Variants in RGS1 observed in about 807,000 individuals in gnomAD.
The protein encoded by RGS1 is B-cell activation protein BL34.
A neutral mutation model predicts 22.2 loss-of-function variants in RGS1; 11 were observed. The ratio of observed to expected loss-of-function variants is 0.50; its 90% confidence interval spans 0.31 to 0.82. RGS1 has a LOEUF of 0.82. Ranked by LOEUF, RGS1 falls within the 40% of genes least tolerant of loss-of-function variation. The pLI is 0.04. For synonymous variants in RGS1, 81 were observed against 79.9 expected (o/e 1.01, Z -0.07); for missense variants, 255 against 245.8 (o/e 1.04, Z -0.25).
At position 192,579,453 on chromosome 1, in the gene RGS1, A is replaced by G. The variant is rs1290522370; in HGVS notation, c.*131A>G. The G allele has an allele frequency of 1.3e-6, 1 of 755,078 alleles. No individual in the cohort carries two copies. Among genetic ancestry groups the G allele is most frequent in the Non-Finnish European group, 2.1e-6 (1 of 466,106 alleles). 46.8% of individuals were successfully genotyped at this position (755,078 alleles called of 1,614,324 possible). A position where few individuals can be genotyped will look rare whatever the true frequency, so the allele number is the denominator to read the frequency against. The stretch of plus-strand genomic sequence containing the variant: ...GGCCAAGAAGAACAAATGACTCAGA[A>G]TGGATTAACATGAAAGTTATCCAGG... On this transcript the variant is annotated 3_prime_UTR_variant, in exon 5 of 5. Transcript: ENST00000367459.
intron 1 of RGS1, 143 bp downstream of exon 1, chr1:192,576,072 T>C (rs1662053891): frequency 7.9e-6 from 8 of 1,008,016 alleles, no homozygotes; most frequent in Non-Finnish European, 1.2e-5. Context: ...TAATAAGTAA[T>C]ATTCAGCTGC....
intron 3 of RGS1, chr1:192,577,813 A>G (rs1201417699): frequency 1.1e-5 from 2 of 177,620 alleles, no homozygotes. Flanking sequence ...GGGAAATTAT[A>G]TTTACTAATT....
chr1:192,576,946 A>T (rs1662072293), intron 3 of RGS1, 111 bp downstream of exon 3: 1 of 911,764 alleles, frequency 1.1e-6, no homozygotes, highest in Non-Finnish European at 1.7e-6. Flanking sequence ...GTTGTATTCT[A>T]GTTTGTCTGT....
Position 192,579,455 on chromosome 1 carries a change from G to A in RGS1, c.*133G>A. The A allele has an allele frequency of 1.3e-6, 1 of 749,778 alleles. No homozygotes were observed. The highest frequency in any genetic ancestry group is 2.2e-6 in the Non-Finnish European group (1 of 463,532). The allele number at this position is 749,778 out of a possible 1,614,324, so 46.4% of individuals were successfully genotyped here. A position where few individuals can be genotyped will look rare whatever the true frequency, so the allele number is the denominator to read the frequency against. On this transcript the variant is annotated 3_prime_UTR_variant, in exon 5 of 5. Coordinates refer to ENST00000367459, the MANE Select transcript of RGS1 (RefSeq NM_002922.4). ...CCAAGAAGAACAAATGACTCAGAATGGATTAACATGAAAGTTATCCAGGCG... is the reference window on the plus strand; with the variant it reads ...CCAAGAAGAACAAATGACTCAGAATAGATTAACATGAAAGTTATCCAGGCG...
In RGS1 at chr1:192,578,286, G is replaced by T. The variant is rs1353458695; in HGVS notation, c.345G>T (p.Trp115Cys). 2.5e-6 allele frequency: 4 copies of T among 1,613,054 alleles called. No homozygotes were observed. Among genetic ancestry groups the T allele is most frequent in the Admixed American group, 3.3e-5 (2 of 59,926 alleles). Reference protein sequence around the residue: ...SEFSEENIEFWLACEDYKKTE... With the variant: ...SEFSEENIEFCLACEDYKKTE... ...TCAGTGAGGAGAATATTGAGTTCTG[G>T]CTGGCTTGTGAAGACTATAAGAAAA... is the stretch of plus-strand genomic sequence containing the variant. The change falls in exon 4 of 5, where the codon TGG (tryptophan) becomes TGT (cysteine). Residue 115 changes from tryptophan to cysteine, a missense_variant. Physicochemically the swap from Trp to Cys is radical, Grantham distance 215. Coordinates refer to ENST00000367459, the MANE Select transcript of RGS1 (RefSeq NM_002922.4).
At position 192,578,204 on chromosome 1, in the gene RGS1, C is replaced by T. The variant is rs767893411; in HGVS notation, c.281-18C>T. The stretch of plus-strand genomic sequence containing the variant: ...TTTAATTTAATTATCTCCCCACCCA[C>T]CCCTCGTTTCTTTTTAGCTGGTCAA... On this transcript the variant is annotated intron_variant, in intron 3 of 4. Transcript: ENST00000367459. 1 of 1,593,688 alleles carries T rather than the reference C, an allele frequency of 6.3e-7. No individual in the cohort carries two copies. The highest frequency in any genetic ancestry group is 8.5e-7 in the Non-Finnish European group (1 of 1,170,880).
At chr1:192,576,909 T>C (rs2102319249) in intron 3 of RGS1, 74 bp downstream of exon 3, 1 of 1,289,808 alleles carries the variant, frequency 7.8e-7, no homozygotes, top group East Asian at 2.3e-5. Context: ...CTAAATATAG[T>C]ATTCTGGGTA....
rs1206381255 is a variant in RGS1, at chr1:192,578,304, T to C, written c.363T>C (p.Tyr121=). The C allele has an allele frequency of 1.2e-6, 2 of 1,612,922 alleles. No homozygotes were observed. The highest frequency in any genetic ancestry group is 2.2e-5 in the East Asian group (1 of 44,814). The part of the protein sequence containing the change: ...NIEFWLACED[Y]KKTESDLLPC... ...AGTTCTGGCTGGCTTGTGAAGACTATAAGAAAACAGAGTCTGATCTTTTGC... is the reference window on the plus strand; with the variant it reads ...AGTTCTGGCTGGCTTGTGAAGACTACAAGAAAACAGAGTCTGATCTTTTGC... Residue 121 remains tyrosine, a synonymous_variant, in exon 4 of 5, where the codon TAT becomes TAC. Coordinates refer to ENST00000367459, the MANE Select transcript of RGS1 (RefSeq NM_002922.4).
chr1:192,579,091 G>A (rs753674143), intron 4 of RGS1, 46 bp from the exon 5 acceptor site: 1 of 1,545,714 alleles, frequency 6.5e-7, no homozygotes, highest in African/African-American at 1.4e-5. Flanking sequence ...CATAAAATTT[G>A]CAGTAAAGAA....
chr1:192,578,991 T>C (rs1164646340), intron 4 of RGS1, 146 bp from the exon 5 acceptor site: 2 of 733,480 alleles, frequency 2.7e-6, no homozygotes, highest in Non-Finnish European at 4.5e-6. Context: ...AGTATAGAGC[T>C]GATTTTACAA....
Position 192,579,417 on chromosome 1 carries a change from G to C in RGS1, c.*95G>C. 1 of 1,163,512 alleles carries C rather than the reference G, an allele frequency of 8.6e-7. No individual in the cohort carries two copies. The highest frequency in any genetic ancestry group is 1.2e-6 in the Non-Finnish European group (1 of 810,072). The allele number at this position is 1,163,512 out of a possible 1,614,324, so 72.1% of individuals were successfully genotyped here. A position where few individuals can be genotyped will look rare whatever the true frequency, so the allele number is the denominator to read the frequency against. ...GGGTGAACAGCTTGGCCTTTTTTGGGTGTCTTGACAGGCCAAGAAGAACAA... is the reference window on the plus strand; with the variant it reads ...GGGTGAACAGCTTGGCCTTTTTTGGCTGTCTTGACAGGCCAAGAAGAACAA... On this transcript the variant is annotated 3_prime_UTR_variant, in exon 5 of 5. Transcript: ENST00000367459.
chr1:192,576,479 A>G, intron 2 of RGS1, 114 bp downstream of exon 2: 1 of 743,692 alleles, frequency 1.3e-6, no homozygotes, highest in Non-Finnish European at 2.2e-6. Flanking sequence ...ATTTCTTTTA[A>G]GTAACATGCC....
chr1:192,576,405 A>G (rs1179025461), intron 2 of RGS1, 40 bp downstream of exon 2: 1 of 1,417,346 alleles, frequency 7.1e-7, no homozygotes, highest in Non-Finnish European at 1.0e-6. Context: ...TATCATTTAC[A>G]AGAGAAGCCT....
At chr1:192,578,078 A>G (rs940818513) in intron 3 of RGS1, 144 bp from the exon 4 acceptor site, 7 of 953,452 alleles carry the variant, frequency 7.3e-6, no homozygotes, top group African/African-American at 6.6e-5. Flanking sequence ...AATCTATAAC[A>G]CAGCTATTTC....
At chr1:192,577,519 A>G (rs1424428844) in intron 3 of RGS1, 1 of 152,262 alleles carries the variant, frequency 6.6e-6, no homozygotes, top group Admixed American at 6.6e-5. Flanking sequence ...TGAGATTAGG[A>G]CCTTTTTCAG....
intron 4 of RGS1, chr1:192,578,873 G>A (rs1662111211): frequency 2.2e-6 from 1 of 445,724 alleles, no homozygotes; most frequent in South Asian, 4.0e-5. Context: ...ATCATCTTAT[G>A]TGGATACTTA....
intron 2 of RGS1, 166 bp downstream of exon 2, chr1:192,576,531 A>G: frequency 1.6e-6 from 1 of 638,054 alleles, no homozygotes. Flanking sequence ...ATTGAATACA[A>G]ATGTGTACAC....
rs572034569 is a variant in RGS1, at chr1:192,579,381, T to C, written c.*59T>C. 1.3e-6 allele frequency: 2 copies of C among 1,539,300 alleles called. No individual in the cohort carries two copies. The highest frequency in any genetic ancestry group is 1.2e-5 in the South Asian group (1 of 84,832). ...ATCAAGCGCAGAAGGAATGTGCCAG[T>C]ATGGCTCCCTGGGTGAACAGCTTGG... On this transcript the variant is annotated 3_prime_UTR_variant, in exon 5 of 5. Coordinates refer to ENST00000367459, the MANE Select transcript of RGS1 (RefSeq NM_002922.4).
chr1:192,576,151 T>A, intron 1 of RGS1, 134 bp from the exon 2 acceptor site: 1 of 902,462 alleles, frequency 1.1e-6, no homozygotes, highest in Non-Finnish European at 1.7e-6. Context: ...CTCATAAAAA[T>A]GGGTTCTATA....
Sources: gnomAD v4.1 joint callset for allele counts on GRCh38, gnomAD v4.1.1 for gene constraint, MANE v1.5 for transcripts, NCBI Gene and HGNC (gene_info 2026-07-23, HGNC 2026-07-21) for gene names.